ADAMTS17: variants seen among roughly 807,000 people sequenced by gnomAD.
ADAMTS17 encodes the protein ADAM metallopeptidase with thrombospondin type 1 motif 17.
ADAMTS17 carries 113 observed loss-of-function variants against 141.5 expected under a neutral mutation model. The ratio of observed to expected loss-of-function variants is 0.80; its 90% CI spans 0.69 to 0.93. ADAMTS17 has a LOEUF of 0.93. Among genes scored for constraint, ADAMTS17 ranks in the 40% least tolerant of loss-of-function variants. ADAMTS17 has a pLI of 0.00. For missense variants in ADAMTS17, 1,659 were observed against 1,517.9 expected (o/e 1.09, Z -1.54); for synonymous variants, 768 against 630.6 (o/e 1.22, Z -3.27).
chr15:100,023,458 G>A (rs929821747), intron 18 of ADAMTS17, among the ~76,000 whole-genome samples: 1 of 151,790 alleles, frequency 6.6e-6, no homozygotes, highest in African/African-American at 2.4e-5. Flanking sequence ...TGCCTGCCTC[G>A]GCCTCCCAAA....
chr15:100,145,516 CACG>C (rs1397375044), intron 10 of ADAMTS17, among the ~76,000 whole-genome samples: 1 of 152,194 alleles, frequency 6.6e-6, no homozygotes, highest in Non-Finnish European at 1.5e-5. Flanking sequence ...CTTAAGATGT[CACG>C]ACACCACTGG....
At chr15:100,264,547 GA>G (rs1298054383) in intron 4 of ADAMTS17, among the ~76,000 whole-genome samples, 1 of 152,154 alleles carries the variant, frequency 6.6e-6, no homozygotes, top group Non-Finnish European at 1.5e-5. Flanking sequence ...GAAGTAACAC[GA>G]GAAAGCAATC....
chr15:100,337,018 C>T (rs1207653040), intron 2 of ADAMTS17, among the ~76,000 whole-genome samples: 3 of 152,178 alleles, frequency 2.0e-5, no homozygotes, highest in Non-Finnish European at 2.9e-5. Flanking sequence ...GGATTACAGG[C>T]GCCCACCACC....
At chr15:100,050,151 C>T (rs1679282627) in intron 17 of ADAMTS17, among the ~76,000 whole-genome samples, 1 of 152,146 alleles carries the variant, frequency 6.6e-6, no homozygotes, top group African/African-American at 2.4e-5. Flanking sequence ...GTACAGAAAG[C>T]ACGGAACTGC....
At chr15:100,298,623 A>G (rs1196005976) in intron 3 of ADAMTS17, among the ~76,000 whole-genome samples, 2 of 152,184 alleles carry the variant, frequency 1.3e-5, no homozygotes, top group Middle Eastern at 3.2e-3. Flanking sequence ...GGGAAATCAT[A>G]TACATTGCAT....
intron 7 of ADAMTS17, among the ~76,000 whole-genome samples, chr15:100,207,229 G>A (rs1335922532): frequency 2.6e-5 from 4 of 152,172 alleles, no homozygotes; most frequent in Admixed American, 6.5e-5. Flanking sequence ...CTCTCTCCAA[G>A]TGAGCACAAG....
Position 99,988,659 on chromosome 15 carries a change from C to A in ADAMTS17, c.2949+4389G>T, listed in dbSNP as rs1400877793. ...GGCACAGTGACTCCAATACCTCACTCTTCTGAAAGCCTGGAAGTGTTCTTC... is the reference window on the plus strand; with the variant it reads ...GGCACAGTGACTCCAATACCTCACTATTCTGAAAGCCTGGAAGTGTTCTTC... On this transcript the variant is annotated intron_variant, in intron 20 of 21. Transcript: ENST00000268070. Among the ~76,000 whole-genome samples the A allele has an allele frequency of 3.9e-5, 6 of 152,218 alleles. No homozygotes were observed. In the East Asian group the frequency reaches 9.6e-4, roughly 24 times the overall value.
intron 4 of ADAMTS17, among the ~76,000 whole-genome samples, chr15:100,275,415 T>C (rs949227458): frequency 1.3e-5 from 2 of 152,064 alleles, no homozygotes; most frequent in Non-Finnish European, 2.9e-5. Flanking sequence ...GGTTATTCTG[T>C]AGCAAGGATT....
intron 18 of ADAMTS17, among the ~76,000 whole-genome samples, chr15:100,023,969 A>G (rs190386259): frequency 2.0e-5 from 3 of 152,380 alleles, no homozygotes; most frequent in Admixed American, 2.0e-4. Flanking sequence ...ACATGATCCT[A>G]GTCTTTCTTC....
chr15:100,279,997 C>G lies in ADAMTS17; in HGVS notation c.789+1232G>C, dbSNP rs192172814. Among the ~76,000 whole-genome samples the G allele has an allele frequency of 2.7e-3, 405 of 152,282 alleles. 2 individuals are homozygous for G. Among genetic ancestry groups the G allele is most frequent in the Non-Finnish European group, 2.6e-3 (179 of 68,018 alleles). ...CTCCCAGGTCGTTGCCCCATCCCCC[C>G]CAGGGCTGGTGCTCCATGGGCTGTC... On this transcript the variant is annotated intron_variant, in intron 4 of 21. Coordinates refer to ENST00000268070, the MANE Select transcript of ADAMTS17 (RefSeq NM_139057.4).
chr15:100,029,481 G>A (rs373148642), intron 18 of ADAMTS17, among the ~76,000 whole-genome samples: 12 of 152,244 alleles, frequency 7.9e-5, no homozygotes, highest in African/African-American at 2.9e-4. Context: ...GGAGTGCTTT[G>A]TCTGTCAATT....
intron 14 of ADAMTS17, among the ~76,000 whole-genome samples, chr15:100,103,867 C>T (rs989177083): frequency 6.6e-6 from 1 of 152,204 alleles, no homozygotes; most frequent in Admixed American, 6.5e-5. Flanking sequence ...TGAGCCACTG[C>T]ACCTGACCCT....
intron 7 of ADAMTS17, among the ~76,000 whole-genome samples, chr15:100,222,489 A>C (rs1402623875): frequency 6.6e-6 from 1 of 152,212 alleles, no homozygotes; most frequent in African/African-American, 2.4e-5. Context: ...TCAGTGCTGC[A>C]CTGGGAGAAC....
chr15:100,173,522 T>C (rs527462103), intron 8 of ADAMTS17, among the ~76,000 whole-genome samples: 1 of 152,318 alleles, frequency 6.6e-6, no homozygotes, highest in East Asian at 1.9e-4. Context: ...TCCTGCCTTT[T>C]AAAAGTGCTC....
chr15:100,280,267 T>C (rs2044236466), intron 4 of ADAMTS17, among the ~76,000 whole-genome samples: 1 of 152,122 alleles, frequency 6.6e-6, no homozygotes, highest in Non-Finnish European at 1.5e-5. Flanking sequence ...GCTTGAAGCC[T>C]GGGTGTAGTA....
intron 18 of ADAMTS17, among the ~76,000 whole-genome samples, chr15:100,039,555 A>G (rs2031059616): frequency 6.6e-6 from 1 of 152,068 alleles, no homozygotes; most frequent in Non-Finnish European, 1.5e-5. Context: ...AGTTTCTTAA[A>G]CTTCTTTCTC....
At chr15:100,120,441 G>C (rs1200584563) in intron 12 of ADAMTS17, among the ~76,000 whole-genome samples, 4 of 152,192 alleles carry the variant, frequency 2.6e-5, no homozygotes, top group South Asian at 2.1e-4. Flanking sequence ...TCTGACTGTT[G>C]ATTGCTACTT....
At chr15:100,180,429 G>T (rs1281335580) in intron 8 of ADAMTS17, among the ~76,000 whole-genome samples, 2 of 152,154 alleles carry the variant, frequency 1.3e-5, no homozygotes, top group Non-Finnish European at 2.9e-5. Flanking sequence ...TAGCTCTACA[G>T]TATAATCTGA....
chr15:100,252,550 G>A (rs1398983263), intron 7 of ADAMTS17, among the ~76,000 whole-genome samples: 2 of 152,168 alleles, frequency 1.3e-5, no homozygotes, highest in African/African-American at 4.8e-5. Flanking sequence ...AGCCTGACCC[G>A]TGAACCCCAG....
Sources: gnomAD v4.1 joint callset for allele counts (sites outside exome capture counted in the v4.1 genomes callset) on GRCh38, gnomAD v4.1.1 for gene constraint, MANE v1.5 for transcripts, NCBI Gene and HGNC (gene_info 2026-07-23, HGNC 2026-07-21) for gene names.